MAPKAP1: variants seen among roughly 807,000 people sequenced by gnomAD.
MAPKAP1 encodes MAPK associated protein 1, also known as target of rapamycin complex 2 subunit MAPKAP1.
In MAPKAP1, 20 loss-of-function variants were observed where a neutral mutation model predicts 65.7. That is an observed-to-expected ratio of 0.30 (90% confidence interval 0.21 to 0.44). The LOEUF (loss-of-function observed/expected upper bound fraction) is 0.44, where lower values mean the gene tolerates loss of function less well. MAPKAP1 is among the 20% of genes least tolerant of loss of function. MAPKAP1 has a pLI of 1.00. For missense variants in MAPKAP1, 423 were observed against 648.0 expected, an observed-to-expected ratio of 0.65 and a Z score of 3.77; for synonymous variants, 222 against 244.3, an observed-to-expected ratio of 0.91 and a Z score of 0.85.
chr9:125,585,824 C>T (rs1163813262), intron 4 of MAPKAP1, 97 bp from the exon 5 acceptor site: 9 of 1,205,910 alleles, frequency 7.5e-6, no homozygotes, highest in Admixed American at 3.9e-5. Flanking sequence ...ATTTTTCATC[C>T]TTGCTCTACA....
intron 8 of MAPKAP1, among the ~76,000 whole-genome samples, chr9:125,499,848 G>A (rs1030372021): frequency 2.0e-5 from 3 of 152,114 alleles, no homozygotes; most frequent in African/African-American, 4.8e-5. Flanking sequence ...CTAGCCAGGT[G>A]TGGTAGTGTG....
intron 4 of MAPKAP1, among the ~76,000 whole-genome samples, chr9:125,596,814 A>C (rs1832140041): frequency 6.6e-6 from 1 of 152,194 alleles, no homozygotes; most frequent in Non-Finnish European, 1.5e-5. Context: ...TGTATTTGTG[A>C]CTAATTGTAT....
At chr9:125,599,161 T>TA (rs924476202) in intron 4 of MAPKAP1, among the ~76,000 whole-genome samples, 12 of 151,662 alleles carry the variant, frequency 7.9e-5, no homozygotes, top group East Asian at 1.9e-4. Context: ...TCAATAGACT[T>TA]AAAAAAAAAT....
At chr9:125,624,650 G>A (rs1589357015) in intron 4 of MAPKAP1, among the ~76,000 whole-genome samples, 1 of 67,524 alleles carries the variant, frequency 1.5e-5, no homozygotes, top group Non-Finnish European at 3.1e-5. Flanking sequence ...CAGCCGCCCC[G>A]TCCGGGAGGT....
chr9:125,577,299 G>T (rs1291388183), intron 5 of MAPKAP1, among the ~76,000 whole-genome samples: 5 of 151,540 alleles, frequency 3.3e-5, no homozygotes, highest in African/African-American at 1.2e-4. Flanking sequence ...TCCCGTCTGA[G>T]AAGTGAGGAG....
chr9:125,515,560 G>A (rs1233902011), intron 7 of MAPKAP1, among the ~76,000 whole-genome samples: 1 of 152,184 alleles, frequency 6.6e-6, no homozygotes, highest in East Asian at 1.9e-4. Context: ...ACTCTTATCA[G>A]AGAGCCAATT....
intron 7 of MAPKAP1, among the ~76,000 whole-genome samples, chr9:125,537,110 TAA>T (rs755064203): frequency 9.2e-5 from 14 of 152,138 alleles, no homozygotes; most frequent in Non-Finnish European, 2.1e-4. Context: ...ATGGTACAAA[TAA>T]AAAGAGTATG....
intron 10 of MAPKAP1, among the ~76,000 whole-genome samples, chr9:125,451,655 G>C (rs1042666214): frequency 6.6e-6 from 1 of 152,036 alleles, no homozygotes; most frequent in African/African-American, 2.4e-5. Flanking sequence ...ACCAAGTACT[G>C]GGCATTTGGT....
chr9:125,664,362 A>T (rs188892048), intron 3 of MAPKAP1, among the ~76,000 whole-genome samples: 184 of 151,780 alleles, frequency 1.2e-3, no homozygotes, highest in East Asian at 9.3e-3. Flanking sequence ...AAAATAAAAA[A>T]AAATAAAAAT....
intron 3 of MAPKAP1, among the ~76,000 whole-genome samples, chr9:125,658,515 G>A (rs908936941): frequency 7.9e-5 from 12 of 152,152 alleles, no homozygotes; most frequent in African/African-American, 2.9e-4. Context: ...AGAATATTTT[G>A]ATTAGCCCTG....
chr9:125,698,140 C>T (rs530430508), intron 1 of MAPKAP1, among the ~76,000 whole-genome samples: 3 of 150,280 alleles, frequency 2.0e-5, no homozygotes, highest in African/African-American at 7.4e-5. Context: ...CTCACGCATG[C>T]GCGTTCTCGC....
At chr9:125,650,358 T>A (rs1833858986) in intron 4 of MAPKAP1, 1 of 152,178 alleles carries the variant, frequency 6.6e-6, no homozygotes, top group South Asian at 2.1e-4. Flanking sequence ...CCTCTACCAA[T>A]CATACCCGGT....
At chr9:125,670,903 A>G (rs1001135314) in intron 2 of MAPKAP1, among the ~76,000 whole-genome samples, 2 of 152,232 alleles carry the variant, frequency 1.3e-5, no homozygotes, top group African/African-American at 4.8e-5. Flanking sequence ...ATAGGAAATT[A>G]TACACTTCTG....
At chr9:125,533,015 A>G (rs1589263665) in intron 7 of MAPKAP1, among the ~76,000 whole-genome samples, 1 of 152,174 alleles carries the variant, frequency 6.6e-6, no homozygotes, top group Admixed American at 6.5e-5. Flanking sequence ...CCGGTGCTCA[A>G]AGGGCCAGCA....
At chr9:125,561,015 A>C (rs1219366249) in intron 5 of MAPKAP1, among the ~76,000 whole-genome samples, 2 of 152,268 alleles carry the variant, frequency 1.3e-5, no homozygotes, top group African/African-American at 4.8e-5. Flanking sequence ...TGCTAGCTTC[A>C]GAAGCAGGAA....
At chr9:125,601,456 C>T (rs569650210) in intron 4 of MAPKAP1, among the ~76,000 whole-genome samples, 7 of 152,142 alleles carry the variant, frequency 4.6e-5, no homozygotes, top group African/African-American at 1.7e-4. Flanking sequence ...GTGGTAGGTT[C>T]GTAACTAAGT....
chr9:125,693,836 T>C (rs75666665), intron 1 of MAPKAP1, among the ~76,000 whole-genome samples: 2,351 of 119,378 alleles, frequency 0.02, 64 homozygotes, highest in African/African-American at 0.061. Context: ...CACACATATA[T>C]ATACACACAT....
intron 10 of MAPKAP1, among the ~76,000 whole-genome samples, chr9:125,448,773 G>A (rs1367582311): frequency 6.6e-6 from 1 of 152,202 alleles, no homozygotes; most frequent in East Asian, 1.9e-4. Flanking sequence ...GGGAGGCCAA[G>A]GTGGATGGAT....
At chr9:125,491,702 GC>G (rs1564529682) in intron 8 of MAPKAP1, among the ~76,000 whole-genome samples, 1 of 151,768 alleles carries the variant, frequency 6.6e-6, no homozygotes, top group Non-Finnish European at 1.5e-5. Flanking sequence ...GATCGCTTGA[GC>G]CTAGGAGGTG....
Sources: gnomAD v4.1 joint callset for allele counts (sites outside exome capture counted in the v4.1 genomes callset) on GRCh38, gnomAD v4.1.1 for gene constraint, MANE v1.5 for transcripts, NCBI Gene and HGNC (gene_info 2026-07-23, HGNC 2026-07-21) for gene names.